Variants in ZDHHC14 observed in about 807,000 individuals in gnomAD.
ZDHHC14 encodes palmitoyltransferase ZDHHC14.
Under a neutral mutation model 47.7 loss-of-function variants are expected in ZDHHC14, and 16 were observed. The ratio of observed to expected loss-of-function variants is 0.34; its 90% confidence interval spans 0.23 to 0.51. ZDHHC14 has a LOEUF of 0.51. ZDHHC14 is among the 20% of genes least tolerant of loss of function. ZDHHC14 has a pLI of 0.97. For synonymous variants in ZDHHC14, 293 were observed against 278.9 expected (o/e 1.05, Z -0.50); for missense variants, 515 against 662.5 (o/e 0.78, Z 2.44).
At chr6:157,649,176 A>G (rs916151899) in intron 7 of ZDHHC14, among the ~76,000 whole-genome samples, 3 of 152,192 alleles carry the variant, frequency 2.0e-5, no homozygotes, top group African/African-American at 7.2e-5. Flanking sequence ...TTAAAAGGTA[A>G]ACTGAAGGAC....
At chr6:157,471,061 AG>A (rs1779342560) in intron 1 of ZDHHC14, among the ~76,000 whole-genome samples, 1 of 152,198 alleles carries the variant, frequency 6.6e-6, no homozygotes, top group South Asian at 2.1e-4. Flanking sequence ...CCGGGTTATG[AG>A]AAACATGGCT....
chr6:157,559,308 G>A (rs1047150600), intron 2 of ZDHHC14, among the ~76,000 whole-genome samples: 4 of 152,348 alleles, frequency 2.6e-5, no homozygotes, highest in South Asian at 2.1e-4. Context: ...TAGCTATTGC[G>A]TGGGCAGCTG....
Position 157,419,434 on chromosome 6 carries a change from C to T in ZDHHC14, c.245+37168C>T, listed in dbSNP as rs373812098. 7.9e-5 allele frequency among the ~76,000 whole-genome samples: 12 copies of T among 152,336 alleles called. No homozygotes were observed. In the East Asian group the frequency reaches 1.7e-3, roughly 22 times the overall value. The stretch of plus-strand genomic sequence containing the variant: ...ATTCCCTGTATGGTACAGTATCATA[C>T]AAAATAGCCTTGTAAATTCCCCATA... On this transcript the variant is annotated intron_variant, in intron 1 of 8. Coordinates refer to ENST00000359775, the MANE Select transcript of ZDHHC14 (RefSeq NM_024630.3).
intron 3 of ZDHHC14, among the ~76,000 whole-genome samples, chr6:157,603,873 C>T (rs1364231749): frequency 6.6e-6 from 1 of 152,164 alleles, no homozygotes; most frequent in Non-Finnish European, 1.5e-5. Context: ...CTCCATTGTC[C>T]AAGGAAGGCA....
intron 3 of ZDHHC14, among the ~76,000 whole-genome samples, chr6:157,601,843 T>C (rs192459396): frequency 1.9e-4 from 29 of 152,310 alleles, no homozygotes; most frequent in Non-Finnish European, 1.5e-5. Context: ...ATCTCCAAAG[T>C]GACCATTAAA....
intron 7 of ZDHHC14, among the ~76,000 whole-genome samples, chr6:157,648,907 G>A (rs894609137): frequency 3.3e-5 from 5 of 152,202 alleles, no homozygotes; most frequent in African/African-American, 9.7e-5. Flanking sequence ...CCTGCAGTGC[G>A]TGTGTGGGTC....
At chr6:157,436,425 G>A (rs1178270607) in intron 1 of ZDHHC14, among the ~76,000 whole-genome samples, 5 of 152,136 alleles carry the variant, frequency 3.3e-5, no homozygotes, top group Admixed American at 3.3e-4. Context: ...TTCCTGTAGG[G>A]AAGCGATACG....
intron 8 of ZDHHC14, among the ~76,000 whole-genome samples, chr6:157,665,936 G>A (rs1472231386): frequency 6.6e-6 from 1 of 152,160 alleles, no homozygotes; most frequent in Non-Finnish European, 1.5e-5. Flanking sequence ...AAATTTCAAG[G>A]ACCCATACTG....
chr6:157,446,492 C>G (rs553608549), intron 1 of ZDHHC14, among the ~76,000 whole-genome samples: 1 of 152,138 alleles, frequency 6.6e-6, no homozygotes, highest in Non-Finnish European at 1.5e-5. Flanking sequence ...TCACTGCAAC[C>G]TCTGCCTCCC....
chr6:157,382,365 A>G (rs1186391654), intron 1 of ZDHHC14, 99 bp downstream of exon 1: 2 of 1,405,100 alleles, frequency 1.4e-6, no homozygotes, highest in Non-Finnish European at 1.9e-6. Flanking sequence ...AGTCTTATCT[A>G]CTGTAAATTG....
At chr6:157,501,458 T>A (rs1780191248) in intron 1 of ZDHHC14, among the ~76,000 whole-genome samples, 1 of 149,460 alleles carries the variant, frequency 6.7e-6, no homozygotes. Flanking sequence ...ATTAGCTGTA[T>A]CTTTCTTATT....
intron 1 of ZDHHC14, among the ~76,000 whole-genome samples, chr6:157,408,461 C>T (rs1237099964): frequency 6.6e-6 from 1 of 152,170 alleles, no homozygotes; most frequent in Non-Finnish European, 1.5e-5. Context: ...CCTCCACGCC[C>T]TCCAACAGGC....
chr6:157,478,202 C>G (rs1476769809), intron 1 of ZDHHC14, among the ~76,000 whole-genome samples: 1 of 151,952 alleles, frequency 6.6e-6, no homozygotes, highest in East Asian at 1.9e-4. Flanking sequence ...GTCTTCAGTA[C>G]TCTCTACTTT....
intron 2 of ZDHHC14, among the ~76,000 whole-genome samples, chr6:157,547,996 G>A: frequency 6.6e-6 from 1 of 151,522 alleles, no homozygotes; most frequent in Non-Finnish European, 1.5e-5. Context: ...TTTGCCTAAT[G>A]AGTAGTCTAC....
intron 1 of ZDHHC14, among the ~76,000 whole-genome samples, chr6:157,393,899 T>G (rs1408261555): frequency 1.3e-5 from 2 of 152,334 alleles, no homozygotes; most frequent in South Asian, 2.1e-4. Flanking sequence ...TCATGGTGGT[T>G]GCTCTGGCCT....
chr6:157,403,567 A>G (rs931990495), intron 1 of ZDHHC14, among the ~76,000 whole-genome samples: 6 of 152,228 alleles, frequency 3.9e-5, no homozygotes, highest in African/African-American at 1.4e-4. Context: ...AAAAGGGTTT[A>G]GGGCCGGCCT....
At chr6:157,395,300 G>A (rs62422827) in intron 1 of ZDHHC14, among the ~76,000 whole-genome samples, 128,013 of 150,686 alleles carry the variant, frequency 0.85, 54,493 homozygotes, top group Middle Eastern at 0.94. Context: ...AGCTGGAACT[G>A]CAGGCACACA....
chr6:157,453,634 C>A (rs941195288), intron 1 of ZDHHC14, among the ~76,000 whole-genome samples: 1 of 152,166 alleles, frequency 6.6e-6, no homozygotes, highest in Admixed American at 6.6e-5. Context: ...GTCATTCATT[C>A]AGTAGGTATT....
chr6:157,415,138 C>A (rs1447660509), intron 1 of ZDHHC14, among the ~76,000 whole-genome samples: 2 of 152,122 alleles, frequency 1.3e-5, no homozygotes, highest in African/African-American at 4.8e-5. Flanking sequence ...ACTCGTCCAG[C>A]TTTTCAATCG....
Sources: allele counts gnomAD v4.1 joint callset (sites outside exome capture counted in the v4.1 genomes callset), GRCh38; gene constraint gnomAD v4.1.1; transcripts MANE v1.5; gene names NCBI Gene and HGNC (gene_info 2026-07-23, HGNC 2026-07-21).